CNOT6: variants seen among roughly 807,000 people sequenced by gnomAD.
CNOT6 encodes the protein CCR4-NOT transcription complex subunit 6, also known as carbon catabolite repression 4 protein.
A neutral mutation model predicts 61.2 loss-of-function variants in CNOT6; 12 were observed. That is an observed-to-expected ratio of 0.20 (90% CI 0.13 to 0.32). The LOEUF (loss-of-function observed/expected upper bound fraction) is 0.32. Among genes scored for constraint, CNOT6 ranks in the 10% least tolerant of loss-of-function variants. The pLI, the probability that CNOT6 is intolerant of heterozygous loss-of-function variation, is 1.00. For synonymous variants in CNOT6, 225 were observed against 240.6 expected, an observed-to-expected ratio of 0.94 and a Z score of 0.60; for missense variants, 405 against 663.9, an observed-to-expected ratio of 0.61 and a Z score of 4.28.
intron 1 of CNOT6, among the ~76,000 whole-genome samples, chr5:180,504,955 ATTTTT>A (rs769852255): frequency 1.7e-4 from 17 of 101,504 alleles, no homozygotes; most frequent in East Asian, 2.6e-4. Context: ...GTACTAGTTA[ATTTTT>A]TTTTTTTTTT....
intron 2 of CNOT6, among the ~76,000 whole-genome samples, chr5:180,539,678 C>T (rs995736798): frequency 3.6e-5 from 5 of 140,420 alleles, no homozygotes; most frequent in African/African-American, 1.3e-4. Flanking sequence ...CAAGCTCTGC[C>T]TCCCAGGTTC....
chr5:180,571,898 A>G (rs1220554941), intron 11 of CNOT6, among the ~76,000 whole-genome samples: 1 of 152,092 alleles, frequency 6.6e-6, no homozygotes, highest in Non-Finnish European at 1.5e-5. Context: ...TTAGAAGTCC[A>G]TGTGATCAGT....
chr5:180,501,567 AGT>A (rs918734927), intron 1 of CNOT6, among the ~76,000 whole-genome samples: 4 of 152,214 alleles, frequency 2.6e-5, no homozygotes, highest in African/African-American at 9.7e-5. Context: ...ACTCAGGAAG[AGT>A]GTGTGAACAA....
chr5:180,552,110 C>G (rs922619245), intron 3 of CNOT6, among the ~76,000 whole-genome samples: 1 of 151,692 alleles, frequency 6.6e-6, no homozygotes, highest in East Asian at 2.0e-4. Context: ...CTCAAATGAT[C>G]TGCCTGCCTC....
intron 1 of CNOT6, among the ~76,000 whole-genome samples, chr5:180,504,230 A>G (rs142336397): frequency 2.6e-5 from 4 of 152,282 alleles, no homozygotes; most frequent in East Asian, 3.9e-4. Context: ...ATAGCTTTCA[A>G]ATTTTCTGAA....
At chr5:180,540,677 A>G (rs1467895299) in intron 2 of CNOT6, among the ~76,000 whole-genome samples, 1 of 152,156 alleles carries the variant, frequency 6.6e-6, no homozygotes, top group Non-Finnish European at 1.5e-5. Context: ...TATTAAATAC[A>G]TTTTCGACAT....
chr5:180,510,384 G>C (rs1294130533), intron 1 of CNOT6, among the ~76,000 whole-genome samples: 1 of 152,058 alleles, frequency 6.6e-6, no homozygotes, highest in Non-Finnish European at 1.5e-5. Context: ...ATGACATTGG[G>C]AGGCAGCAGA....
intron 1 of CNOT6, among the ~76,000 whole-genome samples, chr5:180,506,948 C>T (rs1476639535): frequency 2.6e-5 from 4 of 152,052 alleles, no homozygotes; most frequent in Non-Finnish European, 5.9e-5. Context: ...TAAAAAAATA[C>T]TAAGGCAGGT....
At chr5:180,566,987 A>G in intron 7 of CNOT6, 101 bp from the exon 8 acceptor site, 1 of 1,114,884 alleles carries the variant, frequency 9.0e-7, no homozygotes, top group African/African-American at 1.6e-5. Flanking sequence ...TCTGCAGACC[A>G]GTCCTTTGAA....
At chr5:180,540,416 T>TG (rs1758973271) in intron 2 of CNOT6, among the ~76,000 whole-genome samples, 2 of 152,358 alleles carry the variant, frequency 1.3e-5, no homozygotes, top group African/African-American at 4.8e-5. Context: ...AGGCAGTCTC[T>TG]GGCTCACGAT....
chr5:180,537,875 G>A (rs962947985), intron 2 of CNOT6, among the ~76,000 whole-genome samples: 1 of 148,108 alleles, frequency 6.8e-6, no homozygotes, highest in African/African-American at 2.5e-5. Context: ...CAGTGTATAA[G>A]AAAGTGACTA....
chr5:180,559,609 G>A (rs1760068698), intron 4 of CNOT6, among the ~76,000 whole-genome samples: 1 of 152,126 alleles, frequency 6.6e-6, no homozygotes, highest in Non-Finnish European at 1.5e-5. Flanking sequence ...TAGTAAGTTA[G>A]GGTGTAAGTC....
At position 180,574,029 on chromosome 5, in the gene CNOT6, C is replaced by T; in HGVS notation, c.1503C>T (p.Asn501=). 6.2e-7 allele frequency: 1 copy of T among 1,613,926 alleles called. No individual in the cohort carries two copies. The highest frequency in any genetic ancestry group is 8.5e-7 in the Non-Finnish European group (1 of 1,179,888). ...TTTTCTATTCTAAACCTCAGCTGAACACCTTAGGCATCCTGGGCCCTCTGG... is the reference window on the plus strand; with the variant it reads ...TTTTCTATTCTAAACCTCAGCTGAATACCTTAGGCATCCTGGGCCCTCTGG... ...DYIFYSKPQL[N]TLGILGPLDH... Residue 501 remains asparagine, a synonymous_variant, in exon 12 of 12, where the codon AAC becomes AAT. Coordinates refer to ENST00000261951, the MANE Select transcript of CNOT6 (RefSeq NM_001370472.1).
chr5:180,498,915 G>A (rs184049980), intron 1 of CNOT6, among the ~76,000 whole-genome samples: 3 of 152,252 alleles, frequency 2.0e-5, no homozygotes, highest in African/African-American at 4.8e-5. Flanking sequence ...TCAGCCTCCC[G>A]AGTAGCTGGG....
At chr5:180,497,063 C>CA (rs761591991) in intron 1 of CNOT6, among the ~76,000 whole-genome samples, 6 of 152,154 alleles carry the variant, frequency 3.9e-5, no homozygotes, top group Admixed American at 6.5e-5. Flanking sequence ...CGCGGTGACT[C>CA]ACGCCTGTAA....
chr5:180,550,026 A>G lies in CNOT6; in HGVS notation c.208A>G (p.Ile70Val), dbSNP rs766581073. Reference sequence around the variant, plus strand: ...TTCCCTGTCCCGAATTCCTTCAGACATTGCCAAGCTTCACAATCTGGTGTA... The same window carrying G: ...TTCCCTGTCCCGAATTCCTTCAGACGTTGCCAAGCTTCACAATCTGGTGTA... ...DNSLSRIPSD[I>V]AKLHNLVYLD... Residue 70 changes from isoleucine to valine, a missense_variant, in exon 3 of 12, where the codon ATT becomes GTT. By Grantham distance (29) the Ile-to-Val change is conservative. This residue lies in a region of CNOT6 where 212 missense variants were observed against 307.1 expected (regional missense o/e 0.69). Coordinates refer to ENST00000261951, the MANE Select transcript of CNOT6 (RefSeq NM_001370472.1). 2.5e-6 allele frequency: 4 copies of G among 1,614,054 alleles called. No individual in the cohort carries two copies. Among genetic ancestry groups the G allele is most frequent in the African/African-American group, 2.7e-5 (2 of 74,950 alleles).
chr5:180,536,534 C>G (rs1353952261), intron 2 of CNOT6, among the ~76,000 whole-genome samples: 1 of 152,016 alleles, frequency 6.6e-6, no homozygotes, highest in Non-Finnish European at 1.5e-5. Flanking sequence ...TCTCAAACTC[C>G]TGAGCTCTAG....
intron 2 of CNOT6, among the ~76,000 whole-genome samples, chr5:180,538,824 A>G (rs1758864175): frequency 6.6e-6 from 1 of 151,442 alleles, no homozygotes; most frequent in Admixed American, 6.6e-5. Context: ...GGTTACAGTG[A>G]GCTGAGATCG....
intron 4 of CNOT6, among the ~76,000 whole-genome samples, chr5:180,560,611 G>A (rs548131483): frequency 1.3e-5 from 2 of 152,150 alleles, no homozygotes; most frequent in East Asian, 3.9e-4. Context: ...TCTCCTGCAG[G>A]TAAGGTGTCA....
Sources: gnomAD v4.1 joint callset for allele counts (sites outside exome capture counted in the v4.1 genomes callset) on GRCh38, gnomAD v4.1.1 for gene constraint, gnomAD v4.1.1 regional missense constraint, MANE v1.5 for transcripts, NCBI Gene and HGNC (gene_info 2026-07-23, HGNC 2026-07-21) for gene names.